The following CFAP97 variants were observed in gnomAD, a reference collection of about 807,000 sequenced individuals.
CFAP97 encodes cilia and flagella associated protein 97, also known as cilia- and flagella-associated protein 97.
Under a neutral mutation model 43.1 loss-of-function variants are expected in CFAP97, and 36 were observed. The observed-to-expected ratio is 0.84, with a 90% confidence interval of 0.64 to 1.10. The LOEUF is 1.10. CFAP97 is among the 50% of genes least tolerant of loss of function. The probability of loss-of-function intolerance (pLI) is 0.00; values close to 1 mark genes in which losing one functional copy is unlikely to be tolerated. For synonymous variants in CFAP97, 228 were observed against 225.7 expected (o/e 1.01, Z -0.09); for missense variants, 657 against 620.3 (o/e 1.06, Z -0.63).
rs200355940 is a variant in CFAP97, at chr4:185,164,264, ACTTT to A, written c.1321-89_1321-86del. On this transcript the variant is annotated intron_variant, in intron 3 of 4. Coordinates refer to ENST00000458385, the MANE Select transcript of CFAP97 (RefSeq NM_020827.3). ...CAATACATTCTAGAGCCTGACATTC[ACTTT>A]CTTTCTTTTTTTTTTTAAGAGACAA... 12,022 of 1,280,014 alleles carry A rather than the reference ACTTT, an allele frequency of 9.4e-3. 623 individuals are homozygous for A. The African/African-American group carries it at 0.16, about 17-fold the overall frequency. The allele number at this position is 1,280,014 out of a possible 1,614,324, so 79.3% of individuals were successfully genotyped here. A position where few individuals can be genotyped will look rare whatever the true frequency, so the allele number is the denominator to read the frequency against.
At chr4:185,167,963 C>A (rs1735133638) in intron 3 of CFAP97, among the ~76,000 whole-genome samples, 1 of 141,410 alleles carries the variant, frequency 7.1e-6, no homozygotes. Flanking sequence ...TGTGCCACTG[C>A]ACTCTAGCCT....
intron 1 of CFAP97, among the ~76,000 whole-genome samples, chr4:185,191,602 C>T (rs1286339198): frequency 2.6e-5 from 4 of 152,164 alleles, no homozygotes. Context: ...GAGGCCGAGG[C>T]GAGTGGACCA....
At chr4:185,209,932 G>A (rs1163691243), upstream of CFAP97, 3 of 983,530 alleles carry the variant, frequency 3.1e-6, no homozygotes, top group African/African-American at 3.5e-5. This position sits in a 1 kb window ranked among gnomAD's most constrained non-coding sequence, Gnocchi z 5.2. Context: ...GCGGCGGCCG[G>A]AGTCCCCGGG....
intron 3 of CFAP97, chr4:185,169,563 A>T (rs1735210117): frequency 1.0e-6 from 1 of 955,934 alleles, no homozygotes. Flanking sequence ...AAAATGGACT[A>T]ATACACTTGT....
At chr4:185,171,225 C>T (rs936932034) in intron 3 of CFAP97, among the ~76,000 whole-genome samples, 3 of 151,738 alleles carry the variant, frequency 2.0e-5, no homozygotes, top group Admixed American at 6.6e-5. Context: ...ATGAGCTAGG[C>T]GGGGTGTCAC....
At chr4:185,167,140 C>A (rs1010571736) in intron 3 of CFAP97, among the ~76,000 whole-genome samples, 1 of 152,010 alleles carries the variant, frequency 6.6e-6, no homozygotes, top group African/African-American at 2.4e-5. Context: ...TTAATTTAGT[C>A]ATCAATTTAG....
At chr4:185,189,169 C>T (rs1449618029) in intron 2 of CFAP97, among the ~76,000 whole-genome samples, 1 of 152,088 alleles carries the variant, frequency 6.6e-6, no homozygotes, top group Non-Finnish European at 1.5e-5. Flanking sequence ...CCCAGGAGGT[C>T]AAGGCTGCAG....
intron 2 of CFAP97, among the ~76,000 whole-genome samples, chr4:185,188,902 G>C (rs919291201): frequency 6.6e-6 from 1 of 151,820 alleles, no homozygotes; most frequent in African/African-American, 2.4e-5. Flanking sequence ...TCAGAGAAAG[G>C]GAGAAAAATC....
chr4:185,192,841 C>T (rs572579283), intron 1 of CFAP97, among the ~76,000 whole-genome samples: 15 of 146,210 alleles, frequency 1.0e-4, no homozygotes, highest in African/African-American at 1.8e-4. Flanking sequence ...CCCGGGTTCA[C>T]GCCATTCTCC....
chr4:185,201,950 A>G (rs1045126719), intron 1 of CFAP97, among the ~76,000 whole-genome samples: 7 of 152,190 alleles, frequency 4.6e-5, no homozygotes, highest in Admixed American at 4.6e-4. Flanking sequence ...TGTAAAAATT[A>G]ACATAAAATA....
chr4:185,181,843 C>A (rs910213489), intron 2 of CFAP97, among the ~76,000 whole-genome samples: 1 of 152,178 alleles, frequency 6.6e-6, no homozygotes, highest in African/African-American at 2.4e-5. Flanking sequence ...TGCTGCCAGG[C>A]AGGACGTGCT....
intron 3 of CFAP97, chr4:185,170,222 T>C: frequency 1.6e-6 from 1 of 629,692 alleles, no homozygotes; most frequent in Admixed American, 2.6e-5. Context: ...GGTGTAAGCC[T>C]GTAGTTCCAG....
chr4:185,180,109 C>G (rs1232322388), intron 2 of CFAP97, among the ~76,000 whole-genome samples: 1 of 151,974 alleles, frequency 6.6e-6, no homozygotes, highest in Non-Finnish European at 1.5e-5. Flanking sequence ...ATTTTTCTAG[C>G]CCTTATTTTC....
intron 1 of CFAP97, among the ~76,000 whole-genome samples, chr4:185,192,733 CTTTTTTTTTTTTTT>C (rs760026667): frequency 1.2e-5 from 1 of 81,412 alleles, no homozygotes; most frequent in Non-Finnish European, 2.2e-5. Flanking sequence ...AATTGACCTT[CTTTTTTTTTTTTTT>C]TTTTTTTTTT....
In CFAP97 at chr4:185,190,057, TAG is replaced by T. The variant is rs1307696467; in HGVS notation, c.1054+84_1054+85del. On this transcript the variant is annotated intron_variant, in intron 2 of 4. Transcript: ENST00000458385. ...ATTCCCAACAATAAAAAATATCTAC[TAG>T]ATCAATGCAAATTCATAGCATTTAA... 3.8e-6 allele frequency: 4 copies of T among 1,040,452 alleles called. No homozygotes were observed. In the Admixed American group the frequency reaches 1.2e-4, roughly 31 times the overall value. 64.5% of individuals were successfully genotyped at this position (1,040,452 alleles called of 1,614,324 possible).
At chr4:185,189,879 A>G (rs1169150811) in intron 2 of CFAP97, among the ~76,000 whole-genome samples, 1 of 152,210 alleles carries the variant, frequency 6.6e-6, no homozygotes, top group Non-Finnish European at 1.5e-5. Context: ...TATCTTATCC[A>G]TCTGTTTCCT....
At chr4:185,189,371 TA>T (rs1736133859) in intron 2 of CFAP97, among the ~76,000 whole-genome samples, 1 of 152,124 alleles carries the variant, frequency 6.6e-6, no homozygotes. Flanking sequence ...TTTATCTAGT[TA>T]AAGACTAACA....
chr4:185,205,019 A>AAAG (rs1454125825), upstream of CFAP97, among the ~76,000 whole-genome samples: 6 of 152,264 alleles, frequency 3.9e-5, no homozygotes, highest in Non-Finnish European at 8.8e-5. Context: ...ATCTAAGTGC[A>AAAG]AAGAAGGGTA....
At chr4:185,193,909 T>TAAATAAATAAATAAAG (rs1180950963) in intron 1 of CFAP97, among the ~76,000 whole-genome samples, 1 of 151,752 alleles carries the variant, frequency 6.6e-6, no homozygotes, top group Admixed American at 6.6e-5. Flanking sequence ...AATAAATAAA[T>TAAATAAATAAATAAAG]AAGGGAATTC....
Sources: gnomAD v4.1 joint callset for allele counts (sites outside exome capture counted in the v4.1 genomes callset) on GRCh38, gnomAD v4.1.1 for gene constraint, Gnocchi (gnomAD v3.1) non-coding constraint, MANE v1.5 for transcripts, NCBI Gene and HGNC (gene_info 2026-07-23, HGNC 2026-07-21) for gene names.